Variants in STAU1 observed in about 807,000 individuals in gnomAD.
STAU1 encodes the protein double-stranded RNA-binding protein Staufen homolog 1.
STAU1 carries 13 observed loss-of-function variants against 62.9 expected under a neutral mutation model. The ratio of observed to expected loss-of-function variants is 0.21; its 90% CI spans 0.13 to 0.33. STAU1 has a LOEUF of 0.33. Ranked by LOEUF, STAU1 falls within the 10% of genes least tolerant of loss-of-function variation. STAU1 has a pLI of 1.00. For synonymous variants in STAU1, 269 were observed against 265.1 expected (o/e 1.01, Z -0.14); for missense variants, 571 against 712.1 (o/e 0.80, Z 2.25).
the STAU1 span, among the ~76,000 whole-genome samples, chr20:49,194,688 C>T: frequency 8.0e-4 from 122 of 152,180 alleles, 1 homozygote; most frequent in Non-Finnish European, 1.2e-3. Flanking sequence ...AGCAATTCCT[C>T]GTGCCTCGGC....
chr20:49,149,978 A>G (rs1318783979), intron 5 of STAU1, among the ~76,000 whole-genome samples: 1 of 152,208 alleles, frequency 6.6e-6, no homozygotes, highest in African/African-American at 2.4e-5. Context: ...CTGGTGAAGA[A>G]AAGTCAAATG....
intron 1 of STAU1, among the ~76,000 whole-genome samples, chr20:49,174,969 GC>G (rs2093641486): frequency 6.7e-6 from 1 of 149,940 alleles, no homozygotes; most frequent in African/African-American, 2.5e-5. Context: ...GACCACCCTG[GC>G]CAACATGGGG....
intron 6 of STAU1, among the ~76,000 whole-genome samples, chr20:49,134,315 C>T (rs1451048327): frequency 6.6e-6 from 1 of 151,862 alleles, no homozygotes; most frequent in Non-Finnish European, 1.5e-5. Flanking sequence ...CCTGTAATCC[C>T]AGCTACTCAG....
chr20:49,138,684 T>C (rs1264595548), intron 5 of STAU1, among the ~76,000 whole-genome samples: 1 of 152,082 alleles, frequency 6.6e-6, no homozygotes, highest in Non-Finnish European at 1.5e-5. Context: ...TAATGTTTTG[T>C]AGAGATGGGG....
At chr20:49,194,446 A>T in the STAU1 span, among the ~76,000 whole-genome samples, 2 of 138,474 alleles carry the variant, frequency 1.4e-5, no homozygotes, top group Admixed American at 1.6e-4. Flanking sequence ...AAAAAAAAAA[A>T]AGAAAAGAAA....
the STAU1 span, among the ~76,000 whole-genome samples, chr20:49,208,806 T>C: frequency 6.6e-6 from 1 of 151,184 alleles, no homozygotes; most frequent in Non-Finnish European, 1.5e-5. Flanking sequence ...ATTTTTTTAA[T>C]GGAGACGGGG....
intron 4 of STAU1, among the ~76,000 whole-genome samples, chr20:49,153,252 A>G (rs796622067): frequency 1.3e-3 from 64 of 50,446 alleles, no homozygotes; most frequent in African/African-American, 3.7e-3. Context: ...TCCGTCTCAG[A>G]AAAAAAAAAA....
chr20:49,176,163 G>A (rs1172084720), intron 1 of STAU1, among the ~76,000 whole-genome samples: 3 of 152,148 alleles, frequency 2.0e-5, no homozygotes, highest in African/African-American at 7.2e-5. Context: ...TCAAACCTGT[G>A]TTTTCTTTCC....
intron 6 of STAU1, among the ~76,000 whole-genome samples, chr20:49,131,698 C>T (rs745794589): frequency 1.7e-4 from 26 of 151,916 alleles, no homozygotes; most frequent in Admixed American, 5.9e-4. Flanking sequence ...CAAAAATTAG[C>T]CGAGTGTGGT....
intron 6 of STAU1, among the ~76,000 whole-genome samples, chr20:49,129,169 T>C (rs1336520647): frequency 6.7e-6 from 1 of 150,096 alleles, no homozygotes; most frequent in Non-Finnish European, 1.5e-5. Flanking sequence ...AAGAAAATAG[T>C]AAAATAAAAA....
the STAU1 span, among the ~76,000 whole-genome samples, chr20:49,219,013 C>CAAAAAAAAAAAAA: frequency 1.9e-5 from 1 of 53,176 alleles, no homozygotes; most frequent in Non-Finnish European, 3.6e-5. Context: ...AACCCTGCCT[C>CAAAAAAAAAAAAA]AAAAAAAAAA....
upstream of STAU1, among the ~76,000 whole-genome samples, chr20:49,190,205 T>C (rs922910567): frequency 6.6e-6 from 1 of 152,214 alleles, no homozygotes; most frequent in Admixed American, 6.5e-5. Context: ...AAAGGTGATT[T>C]TGCTATCACC....
intron 12 of STAU1, among the ~76,000 whole-genome samples, chr20:49,116,334 G>C (rs1037616240): frequency 6.6e-6 from 1 of 151,372 alleles, no homozygotes; most frequent in African/African-American, 2.4e-5. Context: ...CATTATCTTC[G>C]GAGACACTGT....
intron 5 of STAU1, among the ~76,000 whole-genome samples, chr20:49,146,883 A>G (rs2093142589): frequency 6.6e-6 from 1 of 152,084 alleles, no homozygotes; most frequent in African/African-American, 2.4e-5. Flanking sequence ...CCACTTTCCT[A>G]GTAACAGACA....
At chr20:49,203,371 A>G in the STAU1 span, among the ~76,000 whole-genome samples, 2 of 152,010 alleles carry the variant, frequency 1.3e-5, no homozygotes, top group African/African-American at 2.4e-5. Context: ...GTTGCAGCGA[A>G]CCAAGAACAA....
the STAU1 span, among the ~76,000 whole-genome samples, chr20:49,198,689 C>T: frequency 7.2e-5 from 11 of 151,914 alleles, no homozygotes; most frequent in African/African-American, 1.9e-4. Flanking sequence ...AATGGCCAGG[C>T]ACTGTGGCTC....
At chr20:49,182,941 A>G (rs1600898925) in intron 1 of STAU1, among the ~76,000 whole-genome samples, 1 of 152,060 alleles carries the variant, frequency 6.6e-6, no homozygotes, top group East Asian at 1.9e-4. Flanking sequence ...AAAACTTCAT[A>G]AACTTTGTTA....
the STAU1 span, among the ~76,000 whole-genome samples, chr20:49,200,228 A>C: frequency 6.6e-6 from 1 of 152,210 alleles, no homozygotes; most frequent in Non-Finnish European, 1.5e-5. Context: ...CCTGGAGACA[A>C]TCAAAATGTC....
chr20:49,158,337 T>C, intron 3 of STAU1: 3 of 803,696 alleles, frequency 3.7e-6, no homozygotes, highest in South Asian at 3.0e-5. Context: ...AATCACTGAA[T>C]ATCACTTTAT....
Sources: allele counts gnomAD v4.1 joint callset (sites outside exome capture counted in the v4.1 genomes callset), GRCh38; gene constraint gnomAD v4.1.1; transcripts MANE v1.5; gene names NCBI Gene and HGNC (gene_info 2026-07-23, HGNC 2026-07-21).